GALNT18: variants seen among roughly 807,000 people sequenced by gnomAD.
GALNT18 encodes polypeptide N-acetylgalactosaminyltransferase 18, also known as GalNAc-transferase 18.
A neutral mutation model predicts 69.5 loss-of-function variants in GALNT18; 44 were observed. The observed-to-expected ratio is 0.63, with a 90% confidence interval of 0.50 to 0.81. The LOEUF is 0.81. GALNT18 is among the 40% of genes least tolerant of loss of function. The pLI is 0.00. For synonymous variants in GALNT18, 364 were observed against 318.2 expected, an observed-to-expected ratio of 1.14 and a Z score of -1.53; for missense variants, 715 against 810.0, an observed-to-expected ratio of 0.88 and a Z score of 1.42.
In GALNT18 at chr11:11,330,119, G is replaced by A. The variant is rs185726687; in HGVS notation, c.1416+2575C>T. ...ATCCAGGGGAAACTTATGCCCACAC[G>A]ATGGGGCCCACAGGTCCTTAGGCCT... On this transcript the variant is annotated intron_variant, in intron 8 of 10. Coordinates refer to ENST00000227756, the MANE Select transcript of GALNT18 (RefSeq NM_198516.3). 3.3e-5 allele frequency among the ~76,000 whole-genome samples: 5 copies of A among 152,236 alleles called. No homozygotes were observed. The East Asian group carries it at 7.7e-4, about 24-fold the overall frequency.
At position 11,620,392 on chromosome 11, in the gene GALNT18, C is replaced by G. The variant is rs1860162371; in HGVS notation, c.235+967G>C. The stretch of plus-strand genomic sequence containing the variant: ...CTCCTGGCGCCCGGAACTCCATTCC[C>G]TCCCATGACAGCTCATTGACCAGGT... On this transcript the variant is annotated intron_variant, in intron 1 of 10. Transcript: ENST00000227756. The surrounding 1 kb of genome is among the most constrained non-coding windows in gnomAD (Gnocchi z 6.9). Among the ~76,000 whole-genome samples the G allele has an allele frequency of 6.6e-6, 1 of 152,134 alleles. No individual in the cohort carries two copies. Among genetic ancestry groups the G allele is most frequent in the Non-Finnish European group, 1.5e-5 (1 of 68,012 alleles).
At chr11:11,495,197 C>A (rs1856845667) in intron 1 of GALNT18, among the ~76,000 whole-genome samples, 1 of 152,188 alleles carries the variant, frequency 6.6e-6, no homozygotes, top group South Asian at 2.1e-4. Context: ...AGGTTTCCAA[C>A]TTTGTTTCCT....
Position 11,404,489 on chromosome 11 carries a change from A to G in GALNT18, c.596-25225T>C, listed in dbSNP as rs1279878514. Among the ~76,000 whole-genome samples the G allele has an allele frequency of 6.6e-6, 1 of 152,218 alleles. No homozygotes were observed. Among genetic ancestry groups the G allele is most frequent in the African/African-American group, 2.4e-5 (1 of 41,460 alleles). ...CCTGGCCCGGAAGGAGTTAAGGATC[A>G]AACGGCGCCCAGGGAGTGAGCCAAA... On this transcript the variant is annotated intron_variant, in intron 3 of 10. Coordinates refer to ENST00000227756, the MANE Select transcript of GALNT18 (RefSeq NM_198516.3). The surrounding 1 kb of genome is among the most constrained non-coding windows in gnomAD (Gnocchi z 4.5).
At chr11:11,323,141 G>A (rs1213526369) in intron 9 of GALNT18, among the ~76,000 whole-genome samples, 1 of 152,172 alleles carries the variant, frequency 6.6e-6, no homozygotes, top group Non-Finnish European at 1.5e-5. Context: ...ATGTTTTTAA[G>A]GCATGCAAAA....
rs143449405 is a variant in GALNT18 at position 11,460,104 on chromosome 11, C to T, written c.236-11168G>A. Among the ~76,000 whole-genome samples, 51 of 152,316 alleles carry T rather than the reference C, an allele frequency of 3.3e-4. 1 individual carries two copies. Among genetic ancestry groups the T allele is most frequent in the Middle Eastern group, 6.8e-3 (2 of 294 alleles). ...AGGACCCCTACGGTTGCGTTAGGCA[C>T]ACCTGGGCAATACAGGCTACTCTCC... On this transcript the variant is annotated intron_variant, in intron 1 of 10. Coordinates refer to ENST00000227756, the MANE Select transcript of GALNT18 (RefSeq NM_198516.3).
At chr11:11,355,156 T>C (rs1210867326) in intron 6 of GALNT18, among the ~76,000 whole-genome samples, 4 of 152,250 alleles carry the variant, frequency 2.6e-5, no homozygotes, top group Non-Finnish European at 4.4e-5. Flanking sequence ...CATCAGAGCA[T>C]GTCCCTCCTC....
chr11:11,606,122 C>T lies in GALNT18; in HGVS notation c.235+15237G>A, dbSNP rs1174994524. On this transcript the variant is annotated intron_variant, in intron 1 of 10. Transcript: ENST00000227756. This position sits in a 1 kb window ranked among gnomAD's most constrained non-coding sequence, Gnocchi z 5.4. Reference sequence around the variant, plus strand: ...TCCCTGGGCTTCCCTTCCAGGCAGTCTTAAAGCCAGAGGTCTGGATGTGAA... The same window carrying T: ...TCCCTGGGCTTCCCTTCCAGGCAGTTTTAAAGCCAGAGGTCTGGATGTGAA... Among the ~76,000 whole-genome samples, 1 of 152,186 alleles carries T rather than the reference C, an allele frequency of 6.6e-6. No homozygotes were observed. The highest frequency in any genetic ancestry group is 2.4e-5 in the African/African-American group (1 of 41,446).
chr11:11,438,619 A>C (rs924659227), intron 2 of GALNT18, among the ~76,000 whole-genome samples: 1 of 152,184 alleles, frequency 6.6e-6, no homozygotes, highest in African/African-American at 2.4e-5. Flanking sequence ...ATTTGATTCC[A>C]AAGCTTGTCT....
Position 11,616,793 on chromosome 11 carries a change from A to G in GALNT18, c.235+4566T>C, listed in dbSNP as rs868199198. On this transcript the variant is annotated intron_variant, in intron 1 of 10. Coordinates refer to ENST00000227756, the MANE Select transcript of GALNT18 (RefSeq NM_198516.3). This position sits in a 1 kb window ranked among gnomAD's most constrained non-coding sequence, Gnocchi z 4.4. ...CGTGTTTACACTATTTGTACTTGTC[A>G]CTGTAACGGCATAACCTAATCACGT... Among the ~76,000 whole-genome samples, 9 of 152,202 alleles carry G rather than the reference A, an allele frequency of 5.9e-5. No individual in the cohort carries two copies. Among genetic ancestry groups the G allele is most frequent in the African/African-American group, 1.2e-4 (5 of 41,448 alleles).
rs188971193 is a variant in GALNT18, at chr11:11,517,997, C to G, written c.236-69061G>C. On this transcript the variant is annotated intron_variant, in intron 1 of 10. Transcript: ENST00000227756. ...GGCTTTCTCTATGCGCCAGTGCCTACCCTGGCCTGGTTAAAACGTTCTGTC... is the reference window on the plus strand; with the variant it reads ...GGCTTTCTCTATGCGCCAGTGCCTAGCCTGGCCTGGTTAAAACGTTCTGTC... Among the ~76,000 whole-genome samples the G allele has an allele frequency of 7.2e-5, 11 of 152,342 alleles. 1 individual carries two copies. The East Asian group carries it at 2.1e-3, about 29-fold the overall frequency.
chr11:11,473,638 C>CT (rs1220044929), intron 1 of GALNT18, among the ~76,000 whole-genome samples: 2 of 151,030 alleles, frequency 1.3e-5, no homozygotes, highest in Non-Finnish European at 3.0e-5. Context: ...GCAGGGCTGT[C>CT]TTTTTTGCAA....
chr11:11,305,400 C>A (rs1019454875), intron 9 of GALNT18, among the ~76,000 whole-genome samples: 1 of 152,142 alleles, frequency 6.6e-6, no homozygotes, highest in African/African-American at 2.4e-5. Flanking sequence ...GGTTCCTCCC[C>A]AAATAATCAC....
rs114354128 is a variant in GALNT18 at position 11,468,927 on chromosome 11, A to G, written c.236-19991T>C. Reference sequence around the variant, plus strand: ...TCTCCAGTGTGAGATGGATAGGTGAATGAGTATTGCTGGTGGACCATCATT... The same window carrying G: ...TCTCCAGTGTGAGATGGATAGGTGAGTGAGTATTGCTGGTGGACCATCATT... On this transcript the variant is annotated intron_variant, in intron 1 of 10. Coordinates refer to ENST00000227756, the MANE Select transcript of GALNT18 (RefSeq NM_198516.3). Among the ~76,000 whole-genome samples the G allele has an allele frequency of 1.8e-3, 273 of 152,290 alleles. 3 individuals carry two copies. The highest frequency in any genetic ancestry group is 6.3e-3 in the African/African-American group (263 of 41,552).
intron 10 of GALNT18, among the ~76,000 whole-genome samples, chr11:11,273,983 C>CT (rs988751710): frequency 2.0e-5 from 3 of 152,102 alleles, no homozygotes; most frequent in African/African-American, 7.2e-5. Context: ...ACTGAGGGAC[C>CT]TGGTTCATCT....
At chr11:11,522,573 T>C (rs1857424775) in intron 1 of GALNT18, among the ~76,000 whole-genome samples, 1 of 152,196 alleles carries the variant, frequency 6.6e-6, no homozygotes, top group Admixed American at 6.5e-5. Flanking sequence ...GGAAGACCTC[T>C]GACTGGTCCA....
At chr11:11,449,207 C>T (rs1223564176) in intron 1 of GALNT18, among the ~76,000 whole-genome samples, 2 of 152,194 alleles carry the variant, frequency 1.3e-5, no homozygotes, top group African/African-American at 4.8e-5. Context: ...CATTGATGCC[C>T]CATGGCTTCA....
chr11:11,289,112 T>TAATC (rs1590011531), intron 10 of GALNT18, among the ~76,000 whole-genome samples: 1 of 152,196 alleles, frequency 6.6e-6, no homozygotes, highest in Non-Finnish European at 1.5e-5. Flanking sequence ...CACAAGACTT[T>TAATC]AATCATTTCA....
chr11:11,483,132 T>C (rs78214449), intron 1 of GALNT18, among the ~76,000 whole-genome samples: 2 of 151,918 alleles, frequency 1.3e-5, no homozygotes, highest in Admixed American at 1.3e-4. Flanking sequence ...TGGTCCAATC[T>C]GATGCCCACT....
rs1368090031 is a variant in GALNT18, at chr11:11,606,041, A to G, written c.235+15318T>C. Among the ~76,000 whole-genome samples, 1 of 152,230 alleles carries G rather than the reference A, an allele frequency of 6.6e-6. No homozygotes were observed. The highest frequency in any genetic ancestry group is 1.5e-5 in the Non-Finnish European group (1 of 68,050). ...CCTGTCCCTGACCCAAAAGCATAGC[A>G]TAGAACAGCCTCTCAGAAGCCATCC... On this transcript the variant is annotated intron_variant, in intron 1 of 10. Transcript: ENST00000227756. This position sits in a 1 kb window ranked among gnomAD's most constrained non-coding sequence, Gnocchi z 5.4.
Sources: allele counts gnomAD v4.1 joint callset (sites outside exome capture counted in the v4.1 genomes callset), GRCh38; gene constraint gnomAD v4.1.1; non-coding constraint Gnocchi (gnomAD v3.1); transcripts MANE v1.5; gene names NCBI Gene and HGNC (gene_info 2026-07-23, HGNC 2026-07-21).